DPP6: variants seen among roughly 807,000 people sequenced by gnomAD.
The protein encoded by DPP6 is dipeptidyl peptidase like 6.
A neutral mutation model predicts 122.6 loss-of-function variants in DPP6; 69 were observed. That is an observed-to-expected ratio of 0.56 (90% CI 0.46 to 0.69). The LOEUF is 0.69. DPP6 is among the 30% of genes least tolerant of loss of function. The pLI is 0.00. For missense variants in DPP6, 928 were observed against 1,116.9 expected, an observed-to-expected ratio of 0.83 and a Z score of 2.41; for synonymous variants, 418 against 433.1, an observed-to-expected ratio of 0.97 and a Z score of 0.43.
chr7:154,188,789 C>T (rs556815057), intron 1 of DPP6, among the ~76,000 whole-genome samples: 1 of 152,286 alleles, frequency 6.6e-6, no homozygotes, highest in African/African-American at 2.4e-5. Flanking sequence ...ATATGCAAAC[C>T]TATATTTACA....
intron 5 of DPP6, among the ~76,000 whole-genome samples, chr7:154,604,593 A>G (rs529421452): frequency 8.3e-6 from 1 of 121,210 alleles, no homozygotes; most frequent in Admixed American, 9.3e-5. Flanking sequence ...AAAATGTTAT[A>G]ATATTCATCA....
chr7:154,299,690 T>C (rs1177581327), intron 1 of DPP6, among the ~76,000 whole-genome samples: 1 of 152,190 alleles, frequency 6.6e-6, no homozygotes, highest in Non-Finnish European at 1.5e-5. Flanking sequence ...CAACTCACAA[T>C]TTAAAGACAT....
At chr7:154,181,855 T>G (rs1798105560) in intron 1 of DPP6, among the ~76,000 whole-genome samples, 1 of 151,854 alleles carries the variant, frequency 6.6e-6, no homozygotes, top group South Asian at 2.1e-4. Context: ...TTCAAGTGAT[T>G]CTCCTGCCTC....
At chr7:154,576,178 GC>G (rs1194967065) in intron 5 of DPP6, among the ~76,000 whole-genome samples, 1 of 152,012 alleles carries the variant, frequency 6.6e-6, no homozygotes, top group African/African-American at 2.4e-5. Context: ...ACTTCCCCGT[GC>G]CCCCATCCCG....
At chr7:154,475,706 G>C (rs2151350852) in intron 3 of DPP6, 1 of 152,614 alleles carries the variant, frequency 6.6e-6, no homozygotes. Flanking sequence ...AATAATTCAA[G>C]TGCATCCATG....
rs953919627 is a variant in DPP6, at chr7:154,810,646, A to G, written c.1666+3534A>G. ...AAGCAAAGAACAAGTACAGCAACAC[A>G]AGGTCAGACACACGACTGACCCAGC... is the stretch of plus-strand genomic sequence containing the variant. On this transcript the variant is annotated intron_variant, in intron 16 of 25. Transcript: ENST00000377770. Among the ~76,000 whole-genome samples the G allele has an allele frequency of 3.3e-5, 5 of 152,306 alleles. No homozygotes were observed. In the East Asian group the frequency reaches 9.6e-4, roughly 29 times the overall value.
At chr7:153,898,607 TGAAAAC>T (rs1799510374) in intron 1 of DPP6, among the ~76,000 whole-genome samples, 1 of 151,964 alleles carries the variant, frequency 6.6e-6, no homozygotes, top group South Asian at 2.1e-4. Flanking sequence ...AACAAGAAAA[TGAAAAC>T]GAGAATGTTG....
At chr7:154,795,758 A>G (rs1464701854) in intron 11 of DPP6, 87 bp from the exon 12 acceptor site, 5 of 1,532,306 alleles carry the variant, frequency 3.3e-6, no homozygotes, top group Non-Finnish European at 4.4e-6. Context: ...TGTTTCCTGC[A>G]CTGTCGGTCA....
At position 154,486,751 on chromosome 7, in the gene DPP6, CAG is replaced by C. The variant is rs1178047750; in HGVS notation, c.457+11721_457+11722del. 4.6e-5 allele frequency among the ~76,000 whole-genome samples: 7 copies of C among 152,190 alleles called. No individual in the cohort carries two copies. The highest frequency in any genetic ancestry group is 1.0e-4 in the Non-Finnish European group (7 of 68,038). On this transcript the variant is annotated intron_variant, in intron 3 of 25. Coordinates refer to ENST00000377770, the MANE Select transcript of DPP6 (RefSeq NM_130797.4). The surrounding 1 kb of genome is among the most constrained non-coding windows in gnomAD (Gnocchi z 4.5). ...TGGATGCACTTCCTCCGTCTGAAAG[CAG>C]AGAGAGGTGTGTCTTGGGGCAGGGC...
intron 1 of DPP6, among the ~76,000 whole-genome samples, chr7:154,180,484 A>G (rs1304029688): frequency 6.9e-6 from 1 of 144,774 alleles, no homozygotes; most frequent in Non-Finnish European, 1.5e-5. Flanking sequence ...ATAATGTTAT[A>G]TAAATAGATA....
intron 21 of DPP6, 144 bp downstream of exon 21, chr7:154,881,086 A>C (rs1374969095): frequency 1.5e-6 from 2 of 1,306,944 alleles, no homozygotes; most frequent in Non-Finnish European, 2.0e-6. Context: ...CTGGGTGCTT[A>C]GTGATTCCAG....
intron 1 of DPP6, among the ~76,000 whole-genome samples, chr7:154,128,610 G>C (rs1342973493): frequency 1.3e-5 from 2 of 151,896 alleles, no homozygotes; most frequent in Non-Finnish European, 2.9e-5. Flanking sequence ...ACCATGGTCT[G>C]GATCTCCTGA....
chr7:154,411,533 G>A (rs1016586980), intron 1 of DPP6, among the ~76,000 whole-genome samples: 1 of 152,170 alleles, frequency 6.6e-6, no homozygotes, highest in Non-Finnish European at 1.5e-5. Context: ...GAGCCACAGT[G>A]CTTGGCCTCA....
At chr7:154,795,789 AAAAAAAAG>A (rs1251801951) in intron 11 of DPP6, 48 bp from the exon 12 acceptor site, 37 of 1,523,826 alleles carry the variant, frequency 2.4e-5, no homozygotes, top group South Asian at 2.4e-5. Context: ...ACATGCAAAA[AAAAAAAAG>A]AAAAGAAAAG....
chr7:154,067,606 G>C (rs1802822815), intron 1 of DPP6, among the ~76,000 whole-genome samples: 1 of 152,168 alleles, frequency 6.6e-6, no homozygotes, highest in African/African-American at 2.4e-5. Flanking sequence ...TCAGGCCTCA[G>C]ATGACTTTTT....
rs563585824 is a variant in DPP6 at position 154,853,222 on chromosome 7, T to TCTC, written c.1667-557_1667-555dup. On this transcript the variant is annotated intron_variant, in intron 16 of 25. Transcript: ENST00000377770. Reference sequence around the variant, plus strand: ...CCTGAGTTGGACCTTCCTTCTCACTTCTCAGGGCTGCAACATTCCTGCAGC... The same window carrying TCTC: ...CCTGAGTTGGACCTTCCTTCTCACTTCTCCTCAGGGCTGCAACATTCCTGCAGC... Among the ~76,000 whole-genome samples, 91 of 152,332 alleles carry TCTC rather than the reference T, an allele frequency of 6.0e-4. 1 individual carries two copies. In the Middle Eastern group the frequency reaches 0.01, roughly 17 times the overall value.
At chr7:153,963,785 G>A (rs1297538317) in intron 1 of DPP6, among the ~76,000 whole-genome samples, 6 of 152,186 alleles carry the variant, frequency 3.9e-5, no homozygotes, top group Admixed American at 6.5e-5. Flanking sequence ...TCCCCACCCC[G>A]TGTCCCATCC....
At chr7:154,156,918 G>A (rs1796711145) in intron 1 of DPP6, among the ~76,000 whole-genome samples, 1 of 152,290 alleles carries the variant, frequency 6.6e-6, no homozygotes, top group Non-Finnish European at 1.5e-5. Context: ...GTGCCCCATT[G>A]GTGGGTGGGG....
At chr7:154,478,673 CA>C (rs1331892068) in intron 3 of DPP6, among the ~76,000 whole-genome samples, 1 of 152,062 alleles carries the variant, frequency 6.6e-6, no homozygotes. Flanking sequence ...TTGTAAGTAG[CA>C]AAATTCTGAT....
Sources: gnomAD v4.1 joint callset for allele counts (sites outside exome capture counted in the v4.1 genomes callset) on GRCh38, gnomAD v4.1.1 for gene constraint, Gnocchi (gnomAD v3.1) non-coding constraint, MANE v1.5 for transcripts, NCBI Gene and HGNC (gene_info 2026-07-23, HGNC 2026-07-21) for gene names.